The following PTPRD variants were observed in gnomAD, a reference collection of about 807,000 sequenced individuals.
PTPRD encodes protein tyrosine phosphatase receptor type D.
A neutral mutation model predicts 214.5 loss-of-function variants in PTPRD; 34 were observed. The observed-to-expected ratio is 0.16, with a 90% confidence interval of 0.12 to 0.21. PTPRD has a LOEUF of 0.21. Among genes scored for constraint, PTPRD ranks in the 10% least tolerant of loss-of-function variants. The probability of loss-of-function intolerance (pLI) is 1.00; values close to 1 mark genes in which losing one functional copy is unlikely to be tolerated. For missense variants in PTPRD, 2,545 were observed against 2,398.7 expected, an observed-to-expected ratio of 1.06 and a Z score of -1.27; for synonymous variants, 1,128 against 845.7, an observed-to-expected ratio of 1.33 and a Z score of -5.79.
At chr9:10,570,788 T>G (rs2067173055) in intron 2 of PTPRD, among the ~76,000 whole-genome samples, 1 of 152,130 alleles carries the variant, frequency 6.6e-6, no homozygotes, top group African/African-American at 2.4e-5. Context: ...TCTTCAAGCC[T>G]GGAGCTCAGG....
chr9:8,857,079 G>C (rs13284801), intron 11 of PTPRD, among the ~76,000 whole-genome samples: 3 of 152,026 alleles, frequency 2.0e-5, no homozygotes, highest in Admixed American at 2.0e-4. Context: ...GCTGAACTAC[G>C]AGCTTTGATT....
intron 9 of PTPRD, among the ~76,000 whole-genome samples, chr9:9,283,998 G>C (rs369620633): frequency 6.6e-6 from 1 of 151,580 alleles, no homozygotes; most frequent in Non-Finnish European, 1.5e-5. Context: ...ACTCAACCAC[G>C]TTATAATCTT....
intron 5 of PTPRD, among the ~76,000 whole-genome samples, chr9:9,905,399 C>A (rs1196070441): frequency 6.6e-6 from 1 of 151,904 alleles, no homozygotes; most frequent in African/African-American, 2.4e-5. Flanking sequence ...CATTCTAAAT[C>A]TAAGTCTGCA....
intron 10 of PTPRD, among the ~76,000 whole-genome samples, chr9:9,042,622 T>C (rs1045132049): frequency 9.9e-5 from 8 of 81,058 alleles, no homozygotes; most frequent in African/African-American, 2.0e-4. Flanking sequence ...TTCTTTTCTT[T>C]TTTTTTTTTT....
At chr9:8,444,812 TA>T (rs1326537998) in intron 34 of PTPRD, among the ~76,000 whole-genome samples, 5 of 152,156 alleles carry the variant, frequency 3.3e-5, no homozygotes, top group Admixed American at 3.3e-4. Context: ...AAATTGTTTA[TA>T]AAAGAAAGAA....
At chr9:9,818,877 C>A (rs986375467) in intron 5 of PTPRD, among the ~76,000 whole-genome samples, 3 of 141,004 alleles carry the variant, frequency 2.1e-5, no homozygotes, top group Non-Finnish European at 4.5e-5. Flanking sequence ...GATTGTGGCA[C>A]TGCACTCCAG....
chr9:9,888,364 T>G (rs1333195053), intron 5 of PTPRD, among the ~76,000 whole-genome samples: 1 of 152,162 alleles, frequency 6.6e-6, no homozygotes, highest in African/African-American at 2.4e-5. Context: ...ACTACTGCCA[T>G]CATATTGTGA....
At chr9:9,355,410 A>C (rs572946803) in intron 9 of PTPRD, among the ~76,000 whole-genome samples, 1 of 151,714 alleles carries the variant, frequency 6.6e-6, no homozygotes, top group South Asian at 2.1e-4. Flanking sequence ...TAATTATGAA[A>C]ATGTGTTGAA....
intron 5 of PTPRD, among the ~76,000 whole-genome samples, chr9:9,785,939 G>T (rs1013545329): frequency 1.3e-5 from 2 of 152,068 alleles, no homozygotes; most frequent in African/African-American, 2.4e-5. Flanking sequence ...AAGGCAACAT[G>T]CTCCAACATT....
At chr9:8,571,526 C>A (rs183672888) in intron 14 of PTPRD, among the ~76,000 whole-genome samples, 1 of 152,008 alleles carries the variant, frequency 6.6e-6, no homozygotes, top group Non-Finnish European at 1.5e-5. Context: ...AAGCATTTTG[C>A]CTAGTTAAGC....
At chr9:9,021,899 A>G (rs2099571067) in intron 10 of PTPRD, among the ~76,000 whole-genome samples, 1 of 152,070 alleles carries the variant, frequency 6.6e-6, no homozygotes, top group Admixed American at 6.6e-5. Flanking sequence ...AAAAGTTTCT[A>G]AAGTAAAAAA....
At chr9:9,848,292 C>T (rs1317298863) in intron 5 of PTPRD, among the ~76,000 whole-genome samples, 1 of 152,072 alleles carries the variant, frequency 6.6e-6, no homozygotes, top group Non-Finnish European at 1.5e-5. Context: ...CCCCTTAATG[C>T]TATATCTTAG....
intron 11 of PTPRD, among the ~76,000 whole-genome samples, chr9:8,821,262 T>G (rs1600872826): frequency 6.6e-6 from 1 of 152,024 alleles, no homozygotes; most frequent in Admixed American, 6.5e-5. Context: ...GTTTGGCCCA[T>G]GTTTACAGCC....
intron 9 of PTPRD, among the ~76,000 whole-genome samples, chr9:9,235,398 A>G (rs4742573): frequency 6.6e-6 from 1 of 151,914 alleles, no homozygotes; most frequent in Non-Finnish European, 1.5e-5. Flanking sequence ...CTGGATTATT[A>G]CCCTTTGTCC....
intron 2 of PTPRD, among the ~76,000 whole-genome samples, chr9:10,412,084 A>C (rs2154509386): frequency 6.6e-6 from 1 of 151,922 alleles, no homozygotes; most frequent in Admixed American, 6.6e-5. Flanking sequence ...CTATTCATGT[A>C]AACTCTGCAG....
chr9:10,046,789 T>A (rs990571466), intron 3 of PTPRD, among the ~76,000 whole-genome samples: 1 of 151,966 alleles, frequency 6.6e-6, no homozygotes, highest in Admixed American at 6.6e-5. Flanking sequence ...ATAATATTTC[T>A]ATAGTGAAGA....
intron 9 of PTPRD, among the ~76,000 whole-genome samples, chr9:9,238,665 GT>G (rs888497308): frequency 6.6e-6 from 1 of 152,102 alleles, no homozygotes; most frequent in African/African-American, 2.4e-5. Context: ...GAATGGGCTA[GT>G]TGACATTAGG....
intron 12 of PTPRD, among the ~76,000 whole-genome samples, chr9:8,655,623 C>CAAAT (rs2096893594): frequency 6.6e-6 from 1 of 151,894 alleles, no homozygotes; most frequent in Non-Finnish European, 1.5e-5. Flanking sequence ...AATTAATGAA[C>CAAAT]AAATATATTT....
chr9:8,902,849 A>G (rs2098681098), intron 11 of PTPRD, among the ~76,000 whole-genome samples: 1 of 152,176 alleles, frequency 6.6e-6, no homozygotes, highest in African/African-American at 2.4e-5. Flanking sequence ...CTTCAAAATC[A>G]TCATTCGAAG....
Sources: allele counts gnomAD v4.1 joint callset (sites outside exome capture counted in the v4.1 genomes callset), GRCh38; gene constraint gnomAD v4.1.1; transcripts MANE v1.5; gene names NCBI Gene and HGNC (gene_info 2026-07-23, HGNC 2026-07-21).